NEDD4L: variants seen among roughly 807,000 people sequenced by gnomAD.
The protein encoded by NEDD4L is NEDD4 like E3 ubiquitin protein ligase.
Under a neutral mutation model 148.9 loss-of-function variants are expected in NEDD4L, and 54 were observed. That is an observed-to-expected ratio of 0.36 (90% CI 0.29 to 0.45). The LOEUF is 0.45. Ranked by LOEUF, NEDD4L falls within the 20% of genes least tolerant of loss-of-function variation. The probability of loss-of-function intolerance (pLI) is 1.00; values close to 1 mark genes in which losing one functional copy is unlikely to be tolerated. For synonymous variants in NEDD4L, 433 were observed against 440.7 expected, an observed-to-expected ratio of 0.98 and a Z score of 0.22; for missense variants, 856 against 1,233.8, an observed-to-expected ratio of 0.69 and a Z score of 4.59.
chr18:58,114,857 C>T (rs776499899), intron 1 of NEDD4L, among the ~76,000 whole-genome samples: 3 of 152,212 alleles, frequency 2.0e-5, no homozygotes, highest in East Asian at 1.9e-4. Context: ...ATCTCTGTGG[C>T]CATTCCCACA....
intron 19 of NEDD4L, among the ~76,000 whole-genome samples, chr18:58,362,976 T>A (rs796364784): frequency 6.6e-6 from 1 of 152,176 alleles, no homozygotes; most frequent in East Asian, 1.9e-4. Flanking sequence ...CTAAAATAAA[T>A]AGGATGTGAG....
intron 1 of NEDD4L, among the ~76,000 whole-genome samples, chr18:58,138,714 C>T (rs1318554216): frequency 1.3e-5 from 2 of 152,122 alleles, no homozygotes; most frequent in Admixed American, 6.5e-5. Flanking sequence ...TGCAGATGGC[C>T]GTCACCTTGT....
At chr18:58,087,648 G>T (rs1371628971) in intron 1 of NEDD4L, among the ~76,000 whole-genome samples, 1 of 152,150 alleles carries the variant, frequency 6.6e-6, no homozygotes, top group Non-Finnish European at 1.5e-5. Flanking sequence ...GCCGAGGCGG[G>T]CGGATCACCT....
chr18:58,231,026 T>TC (rs1258236950), intron 2 of NEDD4L, among the ~76,000 whole-genome samples: 1 of 151,352 alleles, frequency 6.6e-6, no homozygotes, highest in East Asian at 1.9e-4. Context: ...GGCAGGAGGA[T>TC]CCCTTGAGGC....
chr18:58,050,109 A>G (rs2081796231), intron 1 of NEDD4L, among the ~76,000 whole-genome samples: 1 of 151,910 alleles, frequency 6.6e-6, no homozygotes, highest in African/African-American at 2.4e-5. Flanking sequence ...GAATGTTATG[A>G]TTGTTTATTT....
chr18:58,238,235 T>C (rs763366020), intron 2 of NEDD4L, among the ~76,000 whole-genome samples: 1 of 152,198 alleles, frequency 6.6e-6, no homozygotes, highest in African/African-American at 2.4e-5. Context: ...CTGAAAGATA[T>C]GTACGTTTTG....
chr18:58,176,209 CT>C (rs966251143), intron 2 of NEDD4L, among the ~76,000 whole-genome samples: 3 of 152,060 alleles, frequency 2.0e-5, no homozygotes, highest in East Asian at 1.9e-4. Context: ...CACTCTCCCC[CT>C]GTCTCCCTCC....
chr18:58,311,894 C>A (rs1489062088), intron 5 of NEDD4L, among the ~76,000 whole-genome samples: 1 of 152,182 alleles, frequency 6.6e-6, no homozygotes. Flanking sequence ...TATAATAGCC[C>A]CCGGGCTTCA....
At chr18:58,142,194 C>T (rs1027862319) in intron 1 of NEDD4L, among the ~76,000 whole-genome samples, 1 of 142,172 alleles carries the variant, frequency 7.0e-6, no homozygotes, top group Non-Finnish European at 1.5e-5. Context: ...CTACAGGCAC[C>T]CGCCACCACG....
intron 5 of NEDD4L, chr18:58,255,812 G>A (rs2048451267): frequency 1.6e-6 from 2 of 1,232,410 alleles, no homozygotes; most frequent in Non-Finnish European, 2.0e-6. Flanking sequence ...CGGCGGCGGA[G>A]GCCTGCAGGG....
intron 2 of NEDD4L, among the ~76,000 whole-genome samples, chr18:58,206,350 C>T (rs1314464152): frequency 1.3e-5 from 2 of 152,188 alleles, no homozygotes; most frequent in African/African-American, 4.8e-5. Context: ...GATCGCACCA[C>T]TGCACTCCAG....
chr18:58,315,950 G>A (rs894106473), intron 5 of NEDD4L, 32 bp from the exon 6 acceptor site: 10 of 1,584,904 alleles, frequency 6.3e-6, no homozygotes, highest in Non-Finnish European at 8.7e-6. Flanking sequence ...TGAAGAAATG[G>A]AAACACTAAC....
At chr18:58,150,523 G>A (rs566061581) in intron 1 of NEDD4L, among the ~76,000 whole-genome samples, 24 of 152,350 alleles carry the variant, frequency 1.6e-4, no homozygotes, top group African/African-American at 5.3e-4. Context: ...ACTGCACCCG[G>A]CCGTTTTTTG....
chr18:58,389,766 C>T (rs1348619173), intron 28 of NEDD4L, among the ~76,000 whole-genome samples: 4 of 151,728 alleles, frequency 2.6e-5, no homozygotes, highest in Admixed American at 2.6e-4. Context: ...CAGTTATCCC[C>T]CAAAAAGGCT....
chr18:58,152,418 A>G (rs1240013320), intron 1 of NEDD4L, among the ~76,000 whole-genome samples: 1 of 152,206 alleles, frequency 6.6e-6, no homozygotes, highest in Non-Finnish European at 1.5e-5. Flanking sequence ...ATCTACAGAT[A>G]CGGATCATCT....
intron 6 of NEDD4L, among the ~76,000 whole-genome samples, chr18:58,321,248 G>T (rs1278435163): frequency 6.6e-6 from 1 of 152,248 alleles, no homozygotes; most frequent in Non-Finnish European, 1.5e-5. Context: ...AGGATGGGGG[G>T]TGATAAGGGT....
chr18:58,179,010 A>G (rs963180576), intron 2 of NEDD4L, among the ~76,000 whole-genome samples: 1 of 152,172 alleles, frequency 6.6e-6, no homozygotes, highest in African/African-American at 2.4e-5. Context: ...TAGGAAAATG[A>G]TAGTATTGGT....
chr18:58,164,707 G>A (rs949907024), intron 1 of NEDD4L, among the ~76,000 whole-genome samples: 11 of 152,190 alleles, frequency 7.2e-5, no homozygotes, highest in African/African-American at 2.7e-4. Context: ...CTGTCCTCGT[G>A]ATCCGCCTGC....
At chr18:58,308,318 C>A (rs1271978194) in intron 5 of NEDD4L, among the ~76,000 whole-genome samples, 1 of 152,094 alleles carries the variant, frequency 6.6e-6, no homozygotes, top group Non-Finnish European at 1.5e-5. Context: ...ATAACAGGAC[C>A]CCAGTAATAC....
Sources: gnomAD v4.1 joint callset for allele counts (sites outside exome capture counted in the v4.1 genomes callset) on GRCh38, gnomAD v4.1.1 for gene constraint, MANE v1.5 for transcripts, NCBI Gene and HGNC (gene_info 2026-07-23, HGNC 2026-07-21) for gene names.